The following TG variants were observed in gnomAD, a reference collection of about 807,000 sequenced individuals.
The protein encoded by TG is thyroglobulin, also known as thyroid hormones.
Under a neutral mutation model 324.7 loss-of-function variants are expected in TG, and 270 were observed. That is an observed-to-expected ratio of 0.83 (90% CI 0.75 to 0.92). The LOEUF (loss-of-function observed/expected upper bound fraction) is 0.92. TG is among the 40% of genes least tolerant of loss of function. TG has a pLI of 0.00. For synonymous variants in TG, 1,401 were observed against 1,327.0 expected (o/e 1.06, Z -1.21); for missense variants, 3,591 against 3,456.4 (o/e 1.04, Z -0.98).
intron 43 of TG, among the ~76,000 whole-genome samples, chr8:133,107,170 C>G (rs1849873633): frequency 6.6e-6 from 1 of 152,200 alleles, no homozygotes; most frequent in Non-Finnish European, 1.5e-5. Context: ...GGCATATCCA[C>G]TGAACACATT....
chr8:133,131,630 C>T (rs1851956024), intron 45 of TG, among the ~76,000 whole-genome samples, 182 bp from the exon 46 acceptor site: 2 of 152,214 alleles, frequency 1.3e-5, no homozygotes, highest in African/African-American at 4.8e-5. Flanking sequence ...CAAGGGGCCA[C>T]TGCACTAAAT....
chr8:133,042,086 T>TTG (rs1007500347), intron 41 of TG, among the ~76,000 whole-genome samples: 2 of 152,092 alleles, frequency 1.3e-5, no homozygotes, highest in African/African-American at 4.8e-5. Context: ...CACACCCGGC[T>TTG]GTCAGTGTTT....
In TG at chr8:133,055,408, G is replaced by A. The variant is rs188255084; in HGVS notation, c.7239+25385G>A. 1.2e-3 allele frequency among the ~76,000 whole-genome samples: 173 copies of A among 144,664 alleles called. 2 individuals are homozygous for A. The highest frequency in any genetic ancestry group is 4.2e-3 in the African/African-American group (167 of 39,658). The allele number at this position is 144,664 out of a possible 152,430, so 94.9% of individuals were successfully genotyped here. On this transcript the variant is annotated intron_variant, in intron 41 of 47. Transcript: ENST00000220616. ...ACACACACACACACACACACACACA[G>A]GATTATACATGCAACTAACCAATCA...
At chr8:133,018,863 A>G (rs1289987273) in intron 38 of TG, among the ~76,000 whole-genome samples, 3 of 152,156 alleles carry the variant, frequency 2.0e-5, no homozygotes, top group African/African-American at 7.2e-5. Flanking sequence ...GGAGGCTCTT[A>G]AAGTACTCCA....
Position 132,871,416 on chromosome 8 carries a change from T to G in TG, c.343T>G (p.Ser115Ala). The G allele has an allele frequency of 6.2e-7, 1 of 1,614,186 alleles. No homozygotes were observed. The change falls in exon 4 of 48, where the codon TCC (serine) becomes GCC (alanine). Residue 115 changes from serine to alanine, a missense_variant. Physicochemically the swap from Ser to Ala is moderately conservative, Grantham distance 99. Transcript: ENST00000220616. ...TGGCTACATTAACAGCACAGACACC[T>G]CCTACCTCCCTCAGTGTCAGGATTC... is the stretch of plus-strand genomic sequence containing the variant. ...LSGYINSTDT[S>A]YLPQCQDSGD...
At chr8:132,981,611 A>C (rs532200218) in intron 34 of TG, among the ~76,000 whole-genome samples, 1 of 152,316 alleles carries the variant, frequency 6.6e-6, no homozygotes, top group African/African-American at 2.4e-5. Context: ...CCAGAACGTG[A>C]GATGACAGAA....
intron 29 of TG, 84 bp from the exon 30 acceptor site, chr8:132,966,476 G>GTT: frequency 7.0e-7 from 1 of 1,433,476 alleles, no homozygotes; most frequent in Non-Finnish European, 9.8e-7. Context: ...CTGTGTGTGT[G>GTT]TGTGTGTGTG....
At chr8:132,911,306 C>T in intron 18 of TG, 71 bp from the exon 19 acceptor site, 2 of 1,613,602 alleles carry the variant, frequency 1.2e-6, no homozygotes, top group Admixed American at 1.7e-5. Flanking sequence ...AGTTCTGGTT[C>T]CTGGTGTGGA....
intron 42 of TG, among the ~76,000 whole-genome samples, chr8:133,095,410 G>A (rs1338306949): frequency 1.3e-5 from 2 of 152,154 alleles, no homozygotes; most frequent in African/African-American, 4.8e-5. Flanking sequence ...GGGCACTGAG[G>A]GTAGACAGAT....
chr8:132,886,525 C>T lies in TG; in HGVS notation c.1153C>T (p.Gln385Ter). The T allele has an allele frequency of 6.2e-7, 1 of 1,614,170 alleles. No individual in the cohort carries two copies. Among genetic ancestry groups the T allele is most frequent in the Non-Finnish European group, 8.5e-7 (1 of 1,180,028 alleles). The stretch of plus-strand genomic sequence containing the variant: ...CTTTGGGACCTCAGGCTACTTCAGC[C>T]AGCACGACCTGTTCTCTTCCCCAGA... ...LYFGTSGYFS[Q>*]HDLFSSPEKR... The change falls in exon 9 of 48, where the codon CAG (glutamine) becomes TAG (stop). Residue 385 changes from glutamine (Q) to a stop codon, truncating the protein, a stop_gained. Transcript: ENST00000220616. LOFTEE classifies it high-confidence loss of function.
chr8:133,011,181 G>A (rs1302562979), intron 35 of TG, among the ~76,000 whole-genome samples: 1 of 152,188 alleles, frequency 6.6e-6, no homozygotes, highest in Non-Finnish European at 1.5e-5. Context: ...TGATCTTCCA[G>A]TGAGCTCTGA....
At chr8:132,896,435 A>G (rs1817110155) in intron 11 of TG, among the ~76,000 whole-genome samples, 1 of 152,124 alleles carries the variant, frequency 6.6e-6, no homozygotes, top group African/African-American at 2.4e-5. Context: ...AAAGGTGGGG[A>G]GTGGGGAGAA....
At chr8:133,091,715 TGTGA>T (rs1018370706) in intron 41 of TG, among the ~76,000 whole-genome samples, 4 of 152,098 alleles carry the variant, frequency 2.6e-5, no homozygotes, top group African/African-American at 9.7e-5. Context: ...TCTGCACTTA[TGTGA>T]GTGTGTGTCT....
chr8:132,872,913 T>C (rs1839627693), intron 4 of TG, 149 bp from the exon 5 acceptor site: 2 of 868,240 alleles, frequency 2.3e-6, no homozygotes, highest in Non-Finnish European at 3.7e-6. Context: ...AAGTACACTC[T>C]ATGATGTTCA....
intron 43 of TG, chr8:133,103,176 C>T (rs1206068691): frequency 6.5e-6 from 1 of 153,990 alleles, no homozygotes; most frequent in Non-Finnish European, 1.4e-5. Flanking sequence ...CAATTCTTAG[C>T]TTTAGCCACA....
At chr8:132,959,693 G>A (rs1222644283) in intron 27 of TG, among the ~76,000 whole-genome samples, 2 of 152,178 alleles carry the variant, frequency 1.3e-5, no homozygotes, top group African/African-American at 2.4e-5. Flanking sequence ...AAGCCAAATA[G>A]ATGGGGTTTG....
intron 26 of TG, 37 bp from the exon 27 acceptor site, chr8:132,948,739 C>T: frequency 6.2e-7 from 1 of 1,609,986 alleles, no homozygotes; most frequent in East Asian, 2.2e-5. Flanking sequence ...GGTCCCCCTC[C>T]ATCACACTGA....
In TG at chr8:133,018,005, T is replaced by A; in HGVS notation, c.6782+8T>A. 1.5e-5 allele frequency: 24 copies of A among 1,613,706 alleles called. No homozygotes were observed. The highest frequency in any genetic ancestry group is 1.9e-5 in the Non-Finnish European group (23 of 1,179,702). On this transcript the variant is annotated splice_region_variant and intron_variant, in intron 38 of 47. Coordinates refer to ENST00000220616, the MANE Select transcript of TG (RefSeq NM_003235.5). The stretch of plus-strand genomic sequence containing the variant: ...GGATGCCAGCAAGCCAAGGTATGGG[T>A]TGAGTGGAGCACATCTTGGTAAATG...
intron 35 of TG, among the ~76,000 whole-genome samples, chr8:132,997,967 A>G (rs1051119217): frequency 2.0e-5 from 3 of 152,174 alleles, no homozygotes; most frequent in African/African-American, 7.2e-5. Flanking sequence ...TACAAGGGGG[A>G]TATTTCAGCA....
Sources: allele counts gnomAD v4.1 joint callset (sites outside exome capture counted in the v4.1 genomes callset), GRCh38; gene constraint gnomAD v4.1.1; transcripts MANE v1.5; gene names NCBI Gene and HGNC (gene_info 2026-07-23, HGNC 2026-07-21).